The following DSCAM variants were observed in gnomAD, a reference collection of about 807,000 sequenced individuals.
The protein encoded by DSCAM is DS cell adhesion molecule, also known as cell adhesion molecule DSCAM.
A neutral mutation model predicts 217.7 loss-of-function variants in DSCAM; 47 were observed. The observed-to-expected ratio is 0.22, with a 90% confidence interval of 0.17 to 0.28. The LOEUF (loss-of-function observed/expected upper bound fraction) is 0.28. Among genes scored for constraint, DSCAM ranks in the 10% least tolerant of loss-of-function variants. The probability of loss-of-function intolerance (pLI) is 1.00; values close to 1 mark genes in which losing one functional copy is unlikely to be tolerated. For synonymous variants in DSCAM, 1,056 were observed against 1,015.3 expected (o/e 1.04, Z -0.76); for missense variants, 2,080 against 2,618.3 (o/e 0.79, Z 4.49).
rs371647565 is a variant in DSCAM at position 40,362,691 on chromosome 21, C to T, written c.655+6408G>A. On this transcript the variant is annotated intron_variant, in intron 4 of 32. Transcript: ENST00000400454. ...TAAAATACAGCAGCTATAGGAAAGA[C>T]AATACATTTAGTGGTTGTTGTCTTT... Among the ~76,000 whole-genome samples, 23 of 152,216 alleles carry T rather than the reference C, an allele frequency of 1.5e-4. No individual in the cohort carries two copies. In the East Asian group the frequency reaches 4.4e-3, roughly 29 times the overall value.
chr21:40,193,750 A>G (rs7279755), intron 11 of DSCAM, among the ~76,000 whole-genome samples: 8,902 of 152,282 alleles, frequency 0.058, 605 homozygotes, highest in African/African-American at 0.17. Context: ...AAGGAAATGT[A>G]TAAAATGGTA....
chr21:40,393,368 A>G (rs1468124545), intron 3 of DSCAM, among the ~76,000 whole-genome samples: 1 of 152,228 alleles, frequency 6.6e-6, no homozygotes. Context: ...TTAAACATGA[A>G]AAGACATGTT....
At chr21:40,381,921 C>T (rs1364602246) in intron 3 of DSCAM, among the ~76,000 whole-genome samples, 2 of 152,166 alleles carry the variant, frequency 1.3e-5, no homozygotes, top group African/African-American at 4.8e-5. Context: ...CCTGTGCATA[C>T]ATAAAGTTAT....
At chr21:40,162,123 A>C (rs2090547090) in intron 16 of DSCAM, among the ~76,000 whole-genome samples, 3 of 152,194 alleles carry the variant, frequency 2.0e-5, no homozygotes, top group African/African-American at 7.2e-5. Context: ...CCTAGTAATT[A>C]ACTGGTTGAC....
At chr21:40,472,685 C>G (rs2075898668) in intron 3 of DSCAM, among the ~76,000 whole-genome samples, 1 of 152,010 alleles carries the variant, frequency 6.6e-6, no homozygotes, top group African/African-American at 2.4e-5. Flanking sequence ...ACTTGTGTGT[C>G]TGTTTTGGAG....
chr21:40,031,256 C>T (rs553889705), intron 32 of DSCAM, among the ~76,000 whole-genome samples: 390 of 152,182 alleles, frequency 2.6e-3, no homozygotes, highest in Non-Finnish European at 2.9e-3. Context: ...GTAGAGGCCT[C>T]TTTGTCCCTG....
chr21:40,339,208 C>T lies in DSCAM; in HGVS notation c.1418G>A (p.Ser473Asn), dbSNP rs1274355070. ...GNVVSYLNISSSQVRDGGVYR... is the reference protein window; with the variant it reads ...GNVVSYLNISNSQVRDGGVYR... The stretch of plus-strand genomic sequence containing the variant: ...GACTCCCCCGTCCCGGACCTGGGAG[C>T]TGGAGATGTTCAGGTAGCTGACCAC... Residue 473 changes from serine to asparagine, a missense_variant, in exon 7 of 33, where the codon AGC becomes AAC. Physicochemically the swap from Ser to Asn is conservative, Grantham distance 46. Coordinates refer to ENST00000400454, the MANE Select transcript of DSCAM (RefSeq NM_001389.5). 1.2e-6 allele frequency: 2 copies of T among 1,614,182 alleles called. No homozygotes were observed. Among genetic ancestry groups the T allele is most frequent in the Admixed American group, 3.3e-5 (2 of 60,026 alleles).
At position 40,338,176 on chromosome 21, in the gene DSCAM, C is replaced by G; in HGVS notation, c.1708G>C (p.Glu570Gln). 1 of 1,614,278 alleles carries G rather than the reference C, an allele frequency of 6.2e-7. No homozygotes were observed. Among genetic ancestry groups the G allele is most frequent in the Non-Finnish European group, 8.5e-7 (1 of 1,180,052 alleles). ...AACACGTTGCACGTGTACTCCCCCTCGTCCACTTCCTTTTGCACATCTGAA... is the reference window on the plus strand; with the variant it reads ...AACACGTTGCACGTGTACTCCCCCTGGTCCACTTCCTTTTGCACATCTGAA... ...KLSDVQKEVD[E>Q]GEYTCNVLVQ... The change falls in exon 8 of 33, where the codon GAG becomes CAG. Residue 570 changes from glutamate (E) to glutamine (Q), a missense_variant. Transcript: ENST00000400454.
chr21:40,319,564 C>T (rs192367426), intron 8 of DSCAM, among the ~76,000 whole-genome samples: 191 of 152,206 alleles, frequency 1.3e-3, no homozygotes, highest in Non-Finnish European at 2.1e-3. Context: ...CACAGGTACC[C>T]CCTTCACAGA....
chr21:40,360,677 G>C (rs1231135820), intron 4 of DSCAM, among the ~76,000 whole-genome samples: 1 of 152,122 alleles, frequency 6.6e-6, no homozygotes. Context: ...GTATACCATG[G>C]TGTATATGTA....
intron 23 of DSCAM, among the ~76,000 whole-genome samples, chr21:40,084,760 A>G (rs2089509144): frequency 6.6e-6 from 1 of 152,072 alleles, no homozygotes; most frequent in African/African-American, 2.4e-5. Flanking sequence ...TAATATATTG[A>G]CCTATCTCTT....
intron 3 of DSCAM, among the ~76,000 whole-genome samples, chr21:40,505,697 T>C (rs1463474941): frequency 1.3e-5 from 2 of 152,214 alleles, no homozygotes; most frequent in Non-Finnish European, 2.9e-5. Context: ...TGTCAGAAAC[T>C]TCTAGCTTCA....
chr21:40,325,588 A>G (rs971103959), intron 8 of DSCAM, among the ~76,000 whole-genome samples: 4 of 152,240 alleles, frequency 2.6e-5, no homozygotes, highest in Non-Finnish European at 5.9e-5. Flanking sequence ...AAAGAACTAC[A>G]GCAAAGCAGG....
chr21:40,323,863 G>C (rs1389371047), intron 8 of DSCAM, among the ~76,000 whole-genome samples: 2 of 152,062 alleles, frequency 1.3e-5, no homozygotes, highest in Admixed American at 1.3e-4. Context: ...CAGCACTTTG[G>C]GAGGCTGAGG....
At chr21:40,021,120 G>A (rs1169427954) in intron 32 of DSCAM, among the ~76,000 whole-genome samples, 1 of 145,392 alleles carries the variant, frequency 6.9e-6, no homozygotes, top group Non-Finnish European at 1.5e-5. Context: ...GAGAGAGAGG[G>A]ATCAGAGAGA....
intron 3 of DSCAM, among the ~76,000 whole-genome samples, chr21:40,602,977 T>G (rs2077074059): frequency 6.6e-6 from 1 of 152,126 alleles, no homozygotes; most frequent in Non-Finnish European, 1.5e-5. Flanking sequence ...GTTATAAGTT[T>G]TCTGTGAAGC....
chr21:40,030,994 G>A (rs151163642), intron 32 of DSCAM, among the ~76,000 whole-genome samples: 1,728 of 152,266 alleles, frequency 0.011, 15 homozygotes, highest in Non-Finnish European at 0.018. Flanking sequence ...GACCTTGTCC[G>A]GTGGTCTGGC....
At chr21:40,209,369 G>A (rs1037302527) in intron 11 of DSCAM, among the ~76,000 whole-genome samples, 2 of 152,172 alleles carry the variant, frequency 1.3e-5, no homozygotes, top group Non-Finnish European at 2.9e-5. Context: ...CATAGACGTT[G>A]CATGGCGATG....
At chr21:40,350,725 G>A (rs1176857195) in intron 5 of DSCAM, among the ~76,000 whole-genome samples, 1 of 152,070 alleles carries the variant, frequency 6.6e-6, no homozygotes, top group Non-Finnish European at 1.5e-5. Flanking sequence ...GGGAATCACA[G>A]AGATTGGGAA....
Sources: gnomAD v4.1 joint callset for allele counts (sites outside exome capture counted in the v4.1 genomes callset) on GRCh38, gnomAD v4.1.1 for gene constraint, MANE v1.5 for transcripts, NCBI Gene and HGNC (gene_info 2026-07-23, HGNC 2026-07-21) for gene names.